The following ROBO2 variants were observed in gnomAD, a reference collection of about 807,000 sequenced individuals.
ROBO2 encodes the protein roundabout guidance receptor 2.
ROBO2 carries 53 observed loss-of-function variants against 160.8 expected under a neutral mutation model. That is an observed-to-expected ratio of 0.33 (90% CI 0.26 to 0.41). The LOEUF (loss-of-function observed/expected upper bound fraction) is 0.41, where lower values mean the gene tolerates loss of function less well. Among genes scored for constraint, ROBO2 ranks in the 10% least tolerant of loss-of-function variants. The pLI, the probability that ROBO2 is intolerant of heterozygous loss-of-function variation, is 1.00. For synonymous variants in ROBO2, 664 were observed against 611.7 expected (o/e 1.09, Z -1.26); for missense variants, 1,577 against 1,722.4 (o/e 0.92, Z 1.49).
chr3:76,325,233 C>T (rs2072914117), intron 2 of ROBO2, among the ~76,000 whole-genome samples: 1 of 152,190 alleles, frequency 6.6e-6, no homozygotes, highest in South Asian at 2.1e-4. Flanking sequence ...TTTATAATAT[C>T]ACAATGGCTC....
At chr3:76,663,956 A>G (rs1381975923) in intron 2 of ROBO2, among the ~76,000 whole-genome samples, 3 of 152,150 alleles carry the variant, frequency 2.0e-5, no homozygotes, top group South Asian at 2.1e-4. Context: ...AGAACTGACA[A>G]TTGTTGATGG....
At chr3:76,270,573 C>T (rs920928677) in intron 2 of ROBO2, among the ~76,000 whole-genome samples, 1 of 151,994 alleles carries the variant, frequency 6.6e-6, no homozygotes, top group Non-Finnish European at 1.5e-5. Flanking sequence ...ACTCATTGTT[C>T]TGGATGCAGC....
chr3:77,615,353 C>G (rs1413169812), intron 21 of ROBO2, among the ~76,000 whole-genome samples: 2 of 152,126 alleles, frequency 1.3e-5, no homozygotes, highest in Non-Finnish European at 2.9e-5. Context: ...ATCATCATCA[C>G]CTAGAGTCCA....
intron 13 of ROBO2, among the ~76,000 whole-genome samples, chr3:77,570,301 T>C (rs890556495): frequency 4.6e-5 from 7 of 151,994 alleles, no homozygotes; most frequent in African/African-American, 1.4e-4. Flanking sequence ...TAGATCAAAA[T>C]TGCATGACAG....
intron 19 of ROBO2, among the ~76,000 whole-genome samples, chr3:77,601,750 C>T (rs1439624569): frequency 3.3e-5 from 5 of 152,074 alleles, no homozygotes; most frequent in Non-Finnish European, 5.9e-5. Context: ...ACTTCATAGT[C>T]GGTATAGTAT....
At chr3:77,166,557 T>TG (rs1553810311) in intron 2 of ROBO2, among the ~76,000 whole-genome samples, 1 of 152,106 alleles carries the variant, frequency 6.6e-6, no homozygotes, top group East Asian at 1.9e-4. Flanking sequence ...GAAGTGTTTT[T>TG]TTTGTTTGTT....
intron 2 of ROBO2, among the ~76,000 whole-genome samples, chr3:77,299,869 G>T (rs2062494095): frequency 6.6e-6 from 1 of 152,084 alleles, no homozygotes. Context: ...AAAAGTAAGA[G>T]AATGGAAATG....
At chr3:77,513,060 G>C (rs1387477973) in intron 5 of ROBO2, among the ~76,000 whole-genome samples, 2 of 151,894 alleles carry the variant, frequency 1.3e-5, no homozygotes, top group Non-Finnish European at 2.9e-5. Flanking sequence ...AGGTGCTTTT[G>C]AGATGAGAAT....
chr3:76,141,767 A>G, intron 2 of ROBO2, among the ~76,000 whole-genome samples: 1 of 151,842 alleles, frequency 6.6e-6, no homozygotes. Flanking sequence ...ATCTAATCTA[A>G]TTTTTTCCTC....
At chr3:76,550,175 T>C (rs2083331437) in intron 2 of ROBO2, among the ~76,000 whole-genome samples, 8 of 152,194 alleles carry the variant, frequency 5.3e-5, no homozygotes, top group Admixed American at 5.2e-4. Flanking sequence ...CCTTTATAAA[T>C]GACCACTTCT....
intron 2 of ROBO2, among the ~76,000 whole-genome samples, chr3:76,381,941 T>G (rs2076647396): frequency 6.6e-6 from 1 of 152,076 alleles, no homozygotes; most frequent in African/African-American, 2.4e-5. Flanking sequence ...ATATATAGAA[T>G]ATTTAGACTT....
rs2088835829 is a variant in ROBO2 at position 76,619,060 on chromosome 3, G to A, written c.110-478954G>A. Reference sequence around the variant, plus strand: ...AGAGAAAAAGGAAAGAAAAAAATAGGCCGGGCGCGGTGGCTCACGCCTGTA... The same window carrying A: ...AGAGAAAAAGGAAAGAAAAAAATAGACCGGGCGCGGTGGCTCACGCCTGTA... On this transcript the variant is annotated intron_variant, in intron 2 of 26. Coordinates refer to the ROBO2 transcript ENST00000487694. Among the ~76,000 whole-genome samples the A allele has an allele frequency of 4.0e-5, 6 of 150,682 alleles. No homozygotes were observed. In the South Asian group the frequency reaches 1.3e-3, roughly 33 times the overall value.
At chr3:76,250,590 T>C (rs1705931101) in intron 2 of ROBO2, among the ~76,000 whole-genome samples, 1 of 152,054 alleles carries the variant, frequency 6.6e-6, no homozygotes, top group Non-Finnish European at 1.5e-5. Flanking sequence ...TTAAGGAGTA[T>C]GGCCTTGAAC....
At chr3:76,946,562 G>T (rs936236366) in intron 2 of ROBO2, among the ~76,000 whole-genome samples, 1 of 151,878 alleles carries the variant, frequency 6.6e-6, no homozygotes, top group African/African-American at 2.4e-5. Flanking sequence ...CTCAGCCTCC[G>T]GAGTAGCTGG....
chr3:76,082,993 C>CAT (rs2068883977), intron 2 of ROBO2, among the ~76,000 whole-genome samples: 1 of 151,956 alleles, frequency 6.6e-6, no homozygotes, highest in Non-Finnish European at 1.5e-5. Context: ...TTGGTGATGG[C>CAT]ATATATGTAA....
intron 2 of ROBO2, among the ~76,000 whole-genome samples, chr3:76,065,920 C>T (rs1327087501): frequency 6.6e-6 from 1 of 151,702 alleles, no homozygotes; most frequent in Non-Finnish European, 1.5e-5. Context: ...AGATGATAAT[C>T]TTTCTCTACT....
chr3:77,366,211 A>G, intron 2 of ROBO2, among the ~76,000 whole-genome samples: 1 of 152,162 alleles, frequency 6.6e-6, no homozygotes, highest in East Asian at 1.9e-4. Context: ...GAATGTGACT[A>G]ATCTGGTCTG....
chr3:77,402,999 G>A (rs943461607), intron 2 of ROBO2, among the ~76,000 whole-genome samples: 6 of 152,148 alleles, frequency 3.9e-5, no homozygotes, highest in African/African-American at 1.4e-4. Context: ...GAGGAGGCAA[G>A]AATTGAGGTT....
Position 76,834,195 on chromosome 3 carries a change from T to C in ROBO2, c.110-263819T>C, listed in dbSNP as rs796595673. Among the ~76,000 whole-genome samples, 57 of 136,004 alleles carry C rather than the reference T, an allele frequency of 4.2e-4. 1 individual carries two copies. The highest frequency in any genetic ancestry group is 1.0e-3 in the South Asian group (4 of 3,976). The allele number at this position is 136,004 out of a possible 152,430, so 89.2% of individuals were successfully genotyped here. ...TTTCTCTCTCTCTCTCTCTCTTTCT[T>C]TCTTTCTTTCTTTCTTGTTTTTTTC... On this transcript the variant is annotated intron_variant, in intron 2 of 26. Transcript: ENST00000487694.
Sources: gnomAD v4.1 joint callset for allele counts (sites outside exome capture counted in the v4.1 genomes callset) on GRCh38, gnomAD v4.1.1 for gene constraint, MANE v1.5 for transcripts, NCBI Gene and HGNC (gene_info 2026-07-23, HGNC 2026-07-21) for gene names.